MBD5: variants seen among roughly 807,000 people sequenced by gnomAD.
The protein encoded by MBD5 is methyl-CpG-binding domain protein 5.
A neutral mutation model predicts 117.3 loss-of-function variants in MBD5; 13 were observed. That is an observed-to-expected ratio of 0.11 (90% CI 0.07 to 0.18). The LOEUF is 0.18. Among genes scored for constraint, MBD5 ranks in the 10% least tolerant of loss-of-function variants. The probability of loss-of-function intolerance (pLI) is 1.00; values close to 1 mark genes in which losing one functional copy is unlikely to be tolerated. For missense variants in MBD5, 1,879 were observed against 2,093.8 expected (o/e 0.90, Z 2.00); for synonymous variants, 727 against 766.4 (o/e 0.95, Z 0.85).
At chr2:148,443,282 C>A (rs755573384) in intron 4 of MBD5, among the ~76,000 whole-genome samples, 3 of 151,264 alleles carry the variant, frequency 2.0e-5, no homozygotes, top group Non-Finnish European at 2.9e-5. Context: ...AACCTTTGTA[C>A]ACTGTTGTAC....
chr2:148,366,114 A>G (rs1237490404), intron 4 of MBD5, among the ~76,000 whole-genome samples: 1 of 152,174 alleles, frequency 6.6e-6, no homozygotes, highest in Non-Finnish European at 1.5e-5. Flanking sequence ...AGTACATCAG[A>G]AAGCTCATCC....
intron 11 of MBD5, among the ~76,000 whole-genome samples, chr2:148,496,164 A>G (rs1681696743): frequency 6.6e-6 from 1 of 152,280 alleles, no homozygotes; most frequent in Non-Finnish European, 1.5e-5. Context: ...CATAGCATCC[A>G]CAATACTTGG....
chr2:148,353,497 G>A (rs143752225), intron 4 of MBD5, among the ~76,000 whole-genome samples: 5 of 151,798 alleles, frequency 3.3e-5, no homozygotes, highest in Admixed American at 2.6e-4. Flanking sequence ...TTAACAACAC[G>A]CACACAAACA....
intron 4 of MBD5, among the ~76,000 whole-genome samples, chr2:148,426,296 A>T (rs899671666): frequency 6.6e-6 from 1 of 152,192 alleles, no homozygotes; most frequent in African/African-American, 2.4e-5. Flanking sequence ...AATTGGAAAA[A>T]ACTACTTGAA....
intron 11 of MBD5, among the ~76,000 whole-genome samples, chr2:148,495,844 T>G (rs1020662627): frequency 6.6e-6 from 1 of 152,182 alleles, no homozygotes; most frequent in Non-Finnish European, 1.5e-5. Context: ...GGGCAATACA[T>G]TTTCTGTATG....
At chr2:148,081,242 A>G (rs1433700821) in intron 1 of MBD5, among the ~76,000 whole-genome samples, 1 of 152,208 alleles carries the variant, frequency 6.6e-6, no homozygotes, top group Admixed American at 6.5e-5. Context: ...AACAGTTTGA[A>G]TAAAGTACAA....
At position 148,119,784 on chromosome 2, in the gene MBD5, C is replaced by A. The variant is rs902219801; in HGVS notation, c.-924-58916C>A. ...TTCTTCTGATTGAATGTTCTTAGTA[C>A]CCTTGTCCAAAAACAGTTGACTGCA... On this transcript the variant is annotated intron_variant, in intron 1 of 13. Coordinates refer to ENST00000642680, the MANE Select transcript of MBD5 (RefSeq NM_001378120.1). Among the ~76,000 whole-genome samples the A allele has an allele frequency of 2.6e-5, 4 of 152,236 alleles. No homozygotes were observed. In the East Asian group the frequency reaches 7.7e-4, roughly 29 times the overall value.
At chr2:148,041,121 T>C (rs1694347309) in intron 1 of MBD5, 1 of 152,232 alleles carries the variant, frequency 6.6e-6, no homozygotes, top group African/African-American at 2.4e-5. Context: ...GCCCAGCTTA[T>C]TTATTGAAGT....
chr2:148,486,500 T>G (rs1033738988), intron 10 of MBD5, among the ~76,000 whole-genome samples: 3 of 152,168 alleles, frequency 2.0e-5, no homozygotes, highest in African/African-American at 7.2e-5. Context: ...CAAATTTGAA[T>G]AGATAAAAAT....
Position 148,469,284 on chromosome 2 carries a change from G to T in MBD5, c.1341G>T (p.Gly447=). ...TGACATCCCCCGTGCACATGATGGG[G>T]ACTGGAATTGGAAGGATTGAGGCAT... ...SPVTSPVHMM[G]TGIGRIEASP... is the part of the protein sequence containing the mutation. Residue 447 remains glycine, a synonymous_variant, in exon 8 of 14, where the codon GGG becomes GGT. Coordinates refer to ENST00000642680, the MANE Select transcript of MBD5 (RefSeq NM_001378120.1). 6.2e-7 allele frequency: 1 copy of T among 1,613,850 alleles called. No homozygotes were observed. The highest frequency in any genetic ancestry group is 1.3e-5 in the African/African-American group (1 of 74,994).
At chr2:148,112,941 G>A (rs1364561220) in intron 1 of MBD5, among the ~76,000 whole-genome samples, 3 of 152,134 alleles carry the variant, frequency 2.0e-5, no homozygotes, top group African/African-American at 7.2e-5. Flanking sequence ...GAAGCCAGGG[G>A]TTTGAGTTTG....
intron 1 of MBD5, among the ~76,000 whole-genome samples, chr2:148,120,300 T>C (rs1696737930): frequency 6.6e-6 from 1 of 152,222 alleles, no homozygotes; most frequent in Non-Finnish European, 1.5e-5. Context: ...CCATGTGAAA[T>C]TCTAATCAGC....
chr2:148,215,709 G>T (rs77258454), intron 2 of MBD5, among the ~76,000 whole-genome samples: 19,468 of 97,400 alleles, frequency 0.2, 1,476 homozygotes, highest in African/African-American at 0.23. Context: ...TTTTTTTTTT[G>T]GTAGAAACAA....
chr2:148,444,015 T>C (rs1706413364), intron 4 of MBD5, among the ~76,000 whole-genome samples: 1 of 151,354 alleles, frequency 6.6e-6, no homozygotes, highest in African/African-American at 2.5e-5. Flanking sequence ...CTCATACATA[T>C]ATATACCTAC....
chr2:148,124,223 T>C (rs2105424404), intron 1 of MBD5, among the ~76,000 whole-genome samples: 1 of 152,214 alleles, frequency 6.6e-6, no homozygotes, highest in African/African-American at 2.4e-5. Flanking sequence ...GAGGTTGCAG[T>C]GAGCCAAGAT....
chr2:148,464,801 T>TGA, intron 7 of MBD5, among the ~76,000 whole-genome samples: 1 of 141,310 alleles, frequency 7.1e-6, no homozygotes, highest in East Asian at 2.0e-4. Context: ...CTAAAATAAT[T>TGA]TAAAAAAAAA....
chr2:148,502,578 C>T, intron 12 of MBD5, 69 bp downstream of exon 12: 2 of 1,431,348 alleles, frequency 1.4e-6, no homozygotes, highest in Admixed American at 3.7e-5. Flanking sequence ...ATCAAAGGGA[C>T]AATGAAATCT....
chr2:148,317,936 G>A (rs1702192651), intron 3 of MBD5, among the ~76,000 whole-genome samples: 1 of 152,086 alleles, frequency 6.6e-6, no homozygotes, highest in Non-Finnish European at 1.5e-5. Context: ...GGTATTTTTT[G>A]ATATAATGAT....
At chr2:148,263,016 A>G (rs1344455209) in intron 3 of MBD5, among the ~76,000 whole-genome samples, 1 of 152,184 alleles carries the variant, frequency 6.6e-6, no homozygotes, top group Non-Finnish European at 1.5e-5. Context: ...TGTGATTCAA[A>G]GGAGAAGGTC....
Sources: gnomAD v4.1 joint callset for allele counts (sites outside exome capture counted in the v4.1 genomes callset) on GRCh38, gnomAD v4.1.1 for gene constraint, MANE v1.5 for transcripts, NCBI Gene and HGNC (gene_info 2026-07-23, HGNC 2026-07-21) for gene names.